IQANK1: variants seen among roughly 807,000 people sequenced by gnomAD.
IQANK1 encodes IQ motif and ankyrin repeat containing 1, also known as IQ motif and ankyrin repeat domain-containing protein 1.
In IQANK1, 30 loss-of-function variants were observed where a neutral mutation model predicts 22.6. That is an observed-to-expected ratio of 1.33 (90% CI 0.99 to 1.80). The LOEUF is 1.80. Ranked by LOEUF, IQANK1 falls within the 40% of genes most tolerant of loss-of-function variation. The pLI is 0.00. For synonymous variants in IQANK1, 122 were observed against 99.6 expected (o/e 1.23, Z -1.34); for missense variants, 275 against 235.2 (o/e 1.17, Z -1.11).
chr8:143,773,212 C>G (rs1181693190), intron 7 of IQANK1, among the ~76,000 whole-genome samples: 1 of 150,800 alleles, frequency 6.6e-6, no homozygotes, highest in Non-Finnish European at 1.5e-5. Flanking sequence ...GAGGCTGAGG[C>G]AGGAGAATCG....
chr8:143,762,253 G>A (rs1554628922), intron 3 of IQANK1, among the ~76,000 whole-genome samples: 1 of 151,250 alleles, frequency 6.6e-6, no homozygotes, highest in African/African-American at 2.4e-5. Flanking sequence ...TGGTTGCAGT[G>A]AGCCGAGATC....
intron 2 of IQANK1, among the ~76,000 whole-genome samples, chr8:143,738,075 T>C (rs1355619619): frequency 6.6e-6 from 1 of 152,076 alleles, no homozygotes; most frequent in Admixed American, 6.5e-5. Flanking sequence ...GGCTCGATGC[T>C]GGTCACGTGC....
intron 10 of IQANK1, 52 bp from the exon 11 acceptor site, chr8:143,789,709 C>T: frequency 8.2e-7 from 1 of 1,226,638 alleles, no homozygotes; most frequent in Non-Finnish European, 1.0e-6. Context: ...GCTGCCCTCT[C>T]CAGCCAGAGC....
At chr8:143,754,339 C>T (rs782454151) in intron 3 of IQANK1, among the ~76,000 whole-genome samples, 1 of 152,190 alleles carries the variant, frequency 6.6e-6, no homozygotes, top group Non-Finnish European at 1.5e-5. Flanking sequence ...CGGGCACAGG[C>T]TAAATGGGTC....
At chr8:143,740,536 C>T (rs1159417535) in intron 3 of IQANK1, among the ~76,000 whole-genome samples, 3 of 152,392 alleles carry the variant, frequency 2.0e-5, no homozygotes, top group East Asian at 3.9e-4. Flanking sequence ...TCGCCGCTGC[C>T]TGCCCTCCTG....
chr8:143,779,426 T>C (rs1819754347), intron 7 of IQANK1, among the ~76,000 whole-genome samples: 1 of 152,234 alleles, frequency 6.6e-6, no homozygotes, highest in Non-Finnish European at 1.5e-5. Context: ...TCCATCCAGT[T>C]GCTCAACTAA....
chr8:143,776,606 T>C, intron 7 of IQANK1, among the ~76,000 whole-genome samples: 1 of 151,946 alleles, frequency 6.6e-6, no homozygotes, highest in Middle Eastern at 3.2e-3. Flanking sequence ...ATTCTCTGAG[T>C]TAAGGAGACA....
At chr8:143,783,740 G>C (rs1213446222) in intron 7 of IQANK1, among the ~76,000 whole-genome samples, 1 of 152,184 alleles carries the variant, frequency 6.6e-6, no homozygotes, top group Admixed American at 6.5e-5. Context: ...TCTGTGCGTT[G>C]TTTTGGTCCT....
At position 143,735,575 on chromosome 8, in the gene IQANK1, G is replaced by T. The variant is rs1181763082; in HGVS notation, c.-4-275G>T. Among the ~76,000 whole-genome samples, 2 of 152,158 alleles carry T rather than the reference G, an allele frequency of 1.3e-5. No individual in the cohort carries two copies. The highest frequency in any genetic ancestry group is 1.3e-4 in the Admixed American group (2 of 15,286). On this transcript the variant is annotated intron_variant, in intron 1 of 13. Transcript: ENST00000527139. The surrounding 1 kb of genome is among the most constrained non-coding windows in gnomAD (Gnocchi z 5.2). The stretch of plus-strand genomic sequence containing the variant: ...AGACTCCAGATCCTGCGCCCGGCAG[G>T]ATGGGCTGAGCCTGGGGCGGAGGGG...
Position 143,789,487 on chromosome 8 carries a change from T to C in IQANK1, c.1045T>C (p.Cys349Arg). Residue 349 changes from cysteine (C) to arginine (R), a missense_variant, in exon 10 of 14, where the codon TGT becomes CGT. Transcript: ENST00000527139. Reference sequence around the variant, plus strand: ...CCGGAGGATCTCAGAGCACGACCAGTGTGAGTGGAGGTGCATGGACAAGAC... The same window carrying C: ...CCGGAGGATCTCAGAGCACGACCAGCGTGAGTGGAGGTGCATGGACAAGAC... Reference protein sequence around the residue: ...LSRRISEHDQCEWRCMDKTKL... With the variant: ...LSRRISEHDQREWRCMDKTKL... 3 of 1,232,222 alleles carry C rather than the reference T, an allele frequency of 2.4e-6. No individual in the cohort carries two copies. Among genetic ancestry groups the C allele is most frequent in the East Asian group, 3.2e-5 (1 of 31,708 alleles). 76.3% of individuals were successfully genotyped at this position (1,232,222 alleles called of 1,614,324 possible). A position where few individuals can be genotyped will look rare whatever the true frequency, so the allele number is the denominator to read the frequency against.
chr8:143,784,768 A>G (rs562729603), intron 7 of IQANK1, among the ~76,000 whole-genome samples: 1 of 152,196 alleles, frequency 6.6e-6, no homozygotes, highest in African/African-American at 2.4e-5. Flanking sequence ...CTTATAGCTC[A>G]TTGGTCAGAT....
chr8:143,776,795 C>T (rs1819694218), intron 7 of IQANK1, among the ~76,000 whole-genome samples: 2 of 152,036 alleles, frequency 1.3e-5, no homozygotes, highest in Non-Finnish European at 2.9e-5. Flanking sequence ...GGCTCCTATA[C>T]ATGGGGAAAC....
At chr8:143,759,486 C>T (rs1819355524) in intron 3 of IQANK1, 1 of 152,384 alleles carries the variant, frequency 6.6e-6, no homozygotes, top group Non-Finnish European at 1.5e-5. Flanking sequence ...CCCCACATGC[C>T]CAGCAGCCCC....
rs1428930306 is a variant in IQANK1 at position 143,785,739 on chromosome 8, T to TC, written c.790-3176_790-3175insC. ...CATGCCCAGCTATTTTTTTTTTTTT[T>TC]TCTCTGAGATGGAATCTTGCTCTGT... is the stretch of plus-strand genomic sequence containing the variant. On this transcript the variant is annotated intron_variant, in intron 7 of 13. Transcript: ENST00000527139. Among the ~76,000 whole-genome samples, 23 of 150,770 alleles carry TC rather than the reference T, an allele frequency of 1.5e-4. No individual in the cohort carries two copies. The East Asian group carries it at 3.5e-3, about 23-fold the overall frequency.
At chr8:143,741,013 G>A (rs574848300) in intron 3 of IQANK1, among the ~76,000 whole-genome samples, 340 of 152,314 alleles carry the variant, frequency 2.2e-3, no homozygotes, top group Middle Eastern at 3.4e-3. Context: ...CTCTGGGGAG[G>A]ATGTCCCTTC....
At chr8:143,763,943 T>A (rs190731113) in intron 3 of IQANK1, among the ~76,000 whole-genome samples, 1 of 152,322 alleles carries the variant, frequency 6.6e-6, no homozygotes, top group Non-Finnish European at 1.5e-5. Flanking sequence ...TTTTTTGTTA[T>A]ACGAGATATG....
At chr8:143,786,908 A>T (rs1819900116) in intron 7 of IQANK1, among the ~76,000 whole-genome samples, 2 of 152,146 alleles carry the variant, frequency 1.3e-5, no homozygotes, top group Admixed American at 6.5e-5. Context: ...GCTGCCAGGG[A>T]ATGAGGCACA....
At chr8:143,777,548 T>TA (rs1228596522) in intron 7 of IQANK1, among the ~76,000 whole-genome samples, 2,137 of 126,724 alleles carry the variant, frequency 0.017, 60 homozygotes, top group African/African-American at 0.054. Context: ...AACAAACCAC[T>TA]AAAAAAAAAT....
chr8:143,747,100 C>T (rs1435550361), intron 3 of IQANK1, among the ~76,000 whole-genome samples: 4 of 152,058 alleles, frequency 2.6e-5, no homozygotes, highest in South Asian at 2.1e-4. Flanking sequence ...AGGATGGTCT[C>T]GATCTCCTGA....
Sources: gnomAD v4.1 joint callset for allele counts (sites outside exome capture counted in the v4.1 genomes callset) on GRCh38, gnomAD v4.1.1 for gene constraint, Gnocchi (gnomAD v3.1) non-coding constraint, MANE v1.5 for transcripts, NCBI Gene and HGNC (gene_info 2026-07-23, HGNC 2026-07-21) for gene names.